ILKAP: variants seen among roughly 807,000 people sequenced by gnomAD.
ILKAP encodes the protein ILK associated serine/threonine phosphatase, also known as integrin-linked kinase-associated serine/threonine phosphatase 2C.
In ILKAP, 11 loss-of-function variants were observed where a neutral mutation model predicts 49.1. The observed-to-expected ratio is 0.22, with a 90% confidence interval of 0.14 to 0.37. ILKAP has a LOEUF of 0.37. Among genes scored for constraint, ILKAP ranks in the 10% least tolerant of loss-of-function variants. ILKAP has a pLI of 1.00. For missense variants in ILKAP, 363 were observed against 510.8 expected, an observed-to-expected ratio of 0.71 and a Z score of 2.79; for synonymous variants, 186 against 192.8, an observed-to-expected ratio of 0.96 and a Z score of 0.29.
At chr2:238,193,165 T>G (rs906212510) in intron 3 of ILKAP, among the ~76,000 whole-genome samples, 9 of 152,280 alleles carry the variant, frequency 5.9e-5, no homozygotes, top group Non-Finnish European at 7.3e-5. Flanking sequence ...AAGAGACAGC[T>G]ATGCTGTATC....
intron 8 of ILKAP, among the ~76,000 whole-genome samples, chr2:238,182,687 C>T (rs538554250): frequency 9.2e-5 from 14 of 152,256 alleles, no homozygotes; most frequent in African/African-American, 2.2e-4. Flanking sequence ...CACTGAGGCA[C>T]GAAGAATAAG....
chr2:238,188,558 C>T, intron 4 of ILKAP: 1 of 229,584 alleles, frequency 4.4e-6, no homozygotes, highest in Non-Finnish European at 8.5e-6. Context: ...GGATGTGCTG[C>T]CATCCCAGAG....
Position 238,188,233 on chromosome 2 carries a change from T to C in ILKAP, c.323A>G (p.Lys108Arg). The change falls in exon 5 of 12, where the codon AAG becomes AGG. Residue 108 changes from lysine to arginine, a missense_variant. By Grantham distance (26) the Lys-to-Arg change is conservative (BLOSUM62 2). This residue lies in a region of ILKAP where 166 missense variants were observed against 307.3 expected (regional missense o/e 0.54). Coordinates refer to ENST00000254654, the MANE Select transcript of ILKAP (RefSeq NM_030768.3). ...ACCCTTCCGCTCAGCCACATAGCCC[T>C]TCAGACCAAAGATCACCGAAGAGGC... The part of the protein sequence containing the change: ...CKASSVIFGL[K>R]GYVAERKGER... The C allele has an allele frequency of 6.2e-7, 1 of 1,613,856 alleles. No individual in the cohort carries two copies. Among genetic ancestry groups the C allele is most frequent in the Middle Eastern group, 1.7e-4 (1 of 6,060 alleles).
chr2:238,178,259 G>GT (rs895984087), intron 9 of ILKAP, among the ~76,000 whole-genome samples: 84 of 152,188 alleles, frequency 5.5e-4, no homozygotes, highest in Non-Finnish European at 2.2e-4. Flanking sequence ...ATAGCTCACT[G>GT]TATCCTAGAA....
At chr2:238,174,856 G>C (rs1341462257) in intron 9 of ILKAP, among the ~76,000 whole-genome samples, 2 of 151,996 alleles carry the variant, frequency 1.3e-5, no homozygotes. Context: ...CACAGTGTAA[G>C]TACTATGAAA....
At chr2:238,173,513 G>A (rs763364112) in intron 10 of ILKAP, 21 bp downstream of exon 10, 3 of 1,524,798 alleles carry the variant, frequency 2.0e-6, no homozygotes, top group South Asian at 1.1e-5. Flanking sequence ...ACACACCTGT[G>A]CCTCTTATAG....
intron 8 of ILKAP, 65 bp from the exon 9 acceptor site, chr2:238,182,251 G>GAAAAAAAAAA: frequency 1.3e-6 from 2 of 1,564,046 alleles, no homozygotes; most frequent in Middle Eastern, 1.7e-4. Context: ...GGTACCAGTT[G>GAAAAAAAAAA]AAAAAAACAG....
chr2:238,202,277 G>C (rs1357907044), intron 1 of ILKAP, among the ~76,000 whole-genome samples: 7 of 152,068 alleles, frequency 4.6e-5, no homozygotes, highest in Admixed American at 3.9e-4. Flanking sequence ...TCACAAGCCT[G>C]AACATCCTTG....
intron 7 of ILKAP, 125 bp from the exon 8 acceptor site, chr2:238,183,865 T>C (rs1185407751): frequency 1.0e-6 from 1 of 982,658 alleles, no homozygotes; most frequent in East Asian, 2.4e-5. Flanking sequence ...ACTTGCTTTT[T>C]TTCTGTTTTA....
chr2:238,195,872 G>T (rs2106340504), intron 1 of ILKAP, among the ~76,000 whole-genome samples: 1 of 151,804 alleles, frequency 6.6e-6, no homozygotes, highest in African/African-American at 2.4e-5. Context: ...GCAAAAAAAT[G>T]TCTATGAAAA....
intron 1 of ILKAP, among the ~76,000 whole-genome samples, chr2:238,200,134 A>ACAT (rs1694509224): frequency 6.6e-6 from 1 of 152,334 alleles, no homozygotes; most frequent in South Asian, 2.1e-4. Context: ...AATCTTAAAG[A>ACAT]CATCAGGTCG....
chr2:238,183,445 C>T (rs1245237776), intron 8 of ILKAP, among the ~76,000 whole-genome samples: 1 of 152,160 alleles, frequency 6.6e-6, no homozygotes, highest in Non-Finnish European at 1.5e-5. Flanking sequence ...TATCATAGGG[C>T]GTAAGTTCCC....
intron 1 of ILKAP, among the ~76,000 whole-genome samples, chr2:238,195,835 G>A (rs1694319242): frequency 6.6e-6 from 1 of 151,966 alleles, no homozygotes; most frequent in African/African-American, 2.4e-5. Context: ...TTGAGTCCCG[G>A]AGTTCGAGAC....
At chr2:238,189,069 A>G (rs1415794280) in intron 4 of ILKAP, among the ~76,000 whole-genome samples, 1 of 152,016 alleles carries the variant, frequency 6.6e-6, no homozygotes, top group East Asian at 1.9e-4. Context: ...CTGTAATCCC[A>G]GCACTCTGGG....
chr2:238,170,873 C>A (rs1200255989), intron 11 of ILKAP, 70 bp downstream of exon 11: 1 of 1,504,858 alleles, frequency 6.6e-7, no homozygotes, highest in African/African-American at 1.4e-5. Context: ...AATGGGGTCT[C>A]AGAACTTCTA....
At chr2:238,191,510 G>A (rs1356521435) in intron 3 of ILKAP, among the ~76,000 whole-genome samples, 1 of 152,232 alleles carries the variant, frequency 6.6e-6, no homozygotes, top group African/African-American at 2.4e-5. Context: ...CAACACAGAT[G>A]TTTCCAACAG....
At chr2:238,177,213 T>C (rs1693499366) in intron 9 of ILKAP, among the ~76,000 whole-genome samples, 1 of 152,094 alleles carries the variant, frequency 6.6e-6, no homozygotes, top group Non-Finnish European at 1.5e-5. Flanking sequence ...AATCAAGAAA[T>C]AGGATGAAGG....
At chr2:238,182,298 A>C (rs1693728986) in intron 8 of ILKAP, 112 bp from the exon 9 acceptor site, 4 of 1,281,976 alleles carry the variant, frequency 3.1e-6, no homozygotes, top group Non-Finnish European at 4.4e-6. Flanking sequence ...TTAACAATGG[A>C]GTTTCACATT....
intron 4 of ILKAP, 83 bp from the exon 5 acceptor site, chr2:238,188,340 A>ACTAT: frequency 6.7e-7 from 1 of 1,502,892 alleles, no homozygotes; most frequent in Non-Finnish European, 9.0e-7. Flanking sequence ...ATGAGAGGGA[A>ACTAT]CTATGACTGT....
Sources: allele counts gnomAD v4.1 joint callset (sites outside exome capture counted in the v4.1 genomes callset), GRCh38; gene constraint gnomAD v4.1.1; regional missense constraint gnomAD v4.1.1; transcripts MANE v1.5; gene names NCBI Gene and HGNC (gene_info 2026-07-23, HGNC 2026-07-21).